Variants in AGMO observed in about 807,000 individuals in gnomAD.
The protein encoded by AGMO is glyceryl-ether monooxygenase.
AGMO carries 75 observed loss-of-function variants against 60.2 expected under a neutral mutation model. The ratio of observed to expected loss-of-function variants is 1.25; its 90% CI spans 1.03 to 1.51. The LOEUF is 1.51. Among genes scored for constraint, AGMO ranks in the 40% most tolerant of loss-of-function variants. AGMO has a pLI of 0.00. For missense variants in AGMO, 763 were observed against 525.5 expected, an observed-to-expected ratio of 1.45 and a Z score of -4.42; for synonymous variants, 261 against 177.1, an observed-to-expected ratio of 1.47 and a Z score of -3.76.
intron 12 of AGMO, among the ~76,000 whole-genome samples, chr7:15,361,546 A>AAAAAAAAAAAAAAAAAAAAAAAAAAAAG (rs60239009): frequency 1.6e-4 from 15 of 91,398 alleles, no homozygotes; most frequent in East Asian, 5.3e-4. Flanking sequence ...TCTCAAAAAA[A>AAAAAAAAAAAAAAAAAAAAAAAAAAAAG]AAAAAAAAGG....
intron 6 of AGMO, 93 bp from the exon 7 acceptor site, chr7:15,390,998 T>A: frequency 2.5e-6 from 2 of 797,692 alleles, no homozygotes; most frequent in Non-Finnish European, 4.0e-6. Flanking sequence ...ATTCATAAAA[T>A]TCAGATTTAA....
chr7:15,297,247 C>T (rs11982393), intron 12 of AGMO, among the ~76,000 whole-genome samples: 30,879 of 152,042 alleles, frequency 0.2, 3,226 homozygotes, highest in Middle Eastern at 0.27. Flanking sequence ...AAGACCAACC[C>T]TACTGACACA....
intron 3 of AGMO, among the ~76,000 whole-genome samples, chr7:15,488,025 G>T (rs949891181): frequency 2.0e-5 from 3 of 152,056 alleles, no homozygotes; most frequent in Admixed American, 6.5e-5. Context: ...TTTTCCCCGA[G>T]ATCTGTTTAG....
chr7:15,189,595 G>C, the AGMO span, among the ~76,000 whole-genome samples: 7 of 151,992 alleles, frequency 4.6e-5, no homozygotes, highest in Admixed American at 4.6e-4. Context: ...TTAAGGAACA[G>C]CATCTTCTTT....
At chr7:15,271,031 T>C (rs2128513806) in intron 12 of AGMO, among the ~76,000 whole-genome samples, 1 of 152,238 alleles carries the variant, frequency 6.6e-6, no homozygotes, top group South Asian at 2.1e-4. Context: ...TGTTTCTATT[T>C]TTGTACCAGT....
At chr7:15,272,234 C>T (rs1783636623) in intron 12 of AGMO, among the ~76,000 whole-genome samples, 1 of 151,222 alleles carries the variant, frequency 6.6e-6, no homozygotes, top group South Asian at 2.1e-4. Context: ...CACCCATTAA[C>T]TCGCCATTTA....
chr7:15,123,741 T>TA, the AGMO span, among the ~76,000 whole-genome samples: 6 of 151,728 alleles, frequency 4.0e-5, no homozygotes, highest in South Asian at 4.2e-4. Context: ...AAAGTGGTAT[T>TA]AAAAAAAAGA....
chr7:15,148,355 T>C, the AGMO span, among the ~76,000 whole-genome samples: 6 of 152,138 alleles, frequency 3.9e-5, no homozygotes, highest in African/African-American at 1.4e-4. Context: ...TTAGGTTCAA[T>C]GAGTTCATGT....
intron 12 of AGMO, among the ~76,000 whole-genome samples, chr7:15,204,260 T>C (rs952766078): frequency 6.6e-6 from 1 of 152,150 alleles, no homozygotes; most frequent in African/African-American, 2.4e-5. Context: ...CTGATTACCG[T>C]AGTCACTCCA....
intron 12 of AGMO, among the ~76,000 whole-genome samples, chr7:15,210,671 G>C (rs966694415): frequency 1.3e-5 from 2 of 151,948 alleles, no homozygotes; most frequent in Non-Finnish European, 2.9e-5. Flanking sequence ...GAACAGAATT[G>C]CATTTAATTT....
At chr7:15,425,045 C>G (rs1238933539) in intron 4 of AGMO, among the ~76,000 whole-genome samples, 1 of 152,116 alleles carries the variant, frequency 6.6e-6, no homozygotes, top group Non-Finnish European at 1.5e-5. Context: ...AAAATAATAT[C>G]ACACATAAGA....
At chr7:15,516,864 G>A (rs1249525333) in intron 3 of AGMO, among the ~76,000 whole-genome samples, 2 of 152,026 alleles carry the variant, frequency 1.3e-5, no homozygotes, top group Admixed American at 6.6e-5. Context: ...GGAGAGAGCA[G>A]GATGGGAGGA....
At chr7:15,256,754 G>A (rs1039857726) in intron 12 of AGMO, among the ~76,000 whole-genome samples, 6 of 152,216 alleles carry the variant, frequency 3.9e-5, no homozygotes, top group African/African-American at 1.4e-4. Context: ...CAGGTTTGTC[G>A]CCTGGGAGCA....
the AGMO span, among the ~76,000 whole-genome samples, chr7:15,157,732 A>G: frequency 6.6e-6 from 1 of 152,186 alleles, no homozygotes; most frequent in Non-Finnish European, 1.5e-5. Flanking sequence ...TGACTTCTCA[A>G]ATCCTCCACA....
At chr7:15,278,624 G>A (rs1008580878) in intron 12 of AGMO, among the ~76,000 whole-genome samples, 2 of 152,190 alleles carry the variant, frequency 1.3e-5, no homozygotes, top group East Asian at 1.9e-4. Flanking sequence ...CTGGAGCAAT[G>A]GAGACTGGCA....
At chr7:15,390,978 T>C in intron 6 of AGMO, 73 bp from the exon 7 acceptor site, 2 of 920,208 alleles carry the variant, frequency 2.2e-6, no homozygotes, top group Admixed American at 5.4e-5. Flanking sequence ...CATCTTGTTT[T>C]TTAGAATATA....
intron 12 of AGMO, among the ~76,000 whole-genome samples, chr7:15,251,279 G>C (rs922845149): frequency 3.3e-5 from 5 of 152,168 alleles, no homozygotes; most frequent in African/African-American, 1.2e-4. Context: ...TAGAGATTTG[G>C]AATTTTGAAC....
At chr7:15,517,736 G>A (rs539368435) in intron 3 of AGMO, among the ~76,000 whole-genome samples, 2 of 152,178 alleles carry the variant, frequency 1.3e-5, no homozygotes, top group Non-Finnish European at 1.5e-5. Flanking sequence ...AAAATTGGGC[G>A]GCAGTTTGGT....
intron 12 of AGMO, among the ~76,000 whole-genome samples, chr7:15,237,024 T>C (rs755309503): frequency 2.6e-5 from 4 of 152,266 alleles, no homozygotes; most frequent in African/African-American, 4.8e-5. Flanking sequence ...ACCTTTATTA[T>C]TGAGGCAAAG....
Sources: gnomAD v4.1 joint callset for allele counts (sites outside exome capture counted in the v4.1 genomes callset) on GRCh38, gnomAD v4.1.1 for gene constraint, MANE v1.5 for transcripts, NCBI Gene and HGNC (gene_info 2026-07-23, HGNC 2026-07-21) for gene names.